Variants in TRDMT1 observed in about 807,000 individuals in gnomAD.
TRDMT1 encodes tRNA aspartic acid methyltransferase 1.
A neutral mutation model predicts 51.2 loss-of-function variants in TRDMT1; 49 were observed. The ratio of observed to expected loss-of-function variants is 0.96; its 90% confidence interval spans 0.76 to 1.21. The LOEUF (loss-of-function observed/expected upper bound fraction) is 1.21, where lower values mean the gene tolerates loss of function less well. Ranked by LOEUF, TRDMT1 falls within the 50% of genes most tolerant of loss-of-function variation. The pLI is 0.00. For missense variants in TRDMT1, 534 were observed against 462.3 expected (o/e 1.16, Z -1.42); for synonymous variants, 187 against 164.6 (o/e 1.14, Z -1.04).
In TRDMT1 at chr10:17,145,358, G is replaced by T; in HGVS notation, c.*3682C>A. 1 of 985,448 alleles carries T rather than the reference G, an allele frequency of 1.0e-6. No homozygotes were observed. Among genetic ancestry groups the T allele is most frequent in the Non-Finnish European group, 1.2e-6 (1 of 829,946 alleles). The allele number at this position is 985,448 out of a possible 1,614,324, so 61.0% of individuals were successfully genotyped here. Reference sequence around the variant, plus strand: ...GGGTGTGACAGAGGTCCAGAAAAGTGCTTGCTAAGAAGCTGATATGATAGT... The same window carrying T: ...GGGTGTGACAGAGGTCCAGAAAAGTTCTTGCTAAGAAGCTGATATGATAGT... On this transcript the variant is annotated 3_prime_UTR_variant, in exon 11 of 11. Transcript: ENST00000377799.
chr10:17,195,750 G>T (rs932093081), intron 1 of TRDMT1, among the ~76,000 whole-genome samples: 2 of 152,074 alleles, frequency 1.3e-5, no homozygotes, highest in Non-Finnish European at 2.9e-5. Context: ...TTCATCTTAC[G>T]TATTTCTTTT....
Position 17,174,588 on chromosome 10 carries a change from TTATACTTG to T in TRDMT1, c.129_136del (p.Tyr43Ter). The T allele has an allele frequency of 6.2e-7, 1 of 1,613,930 alleles. No individual in the cohort carries two copies. Among genetic ancestry groups the T allele is most frequent in the Non-Finnish European group, 8.5e-7 (1 of 1,179,896 alleles). ...GGCAAGTAACTGTGTGTGAGGAAAA[TTATACTTG>T]TATACTTCATTAGCGACAGTGTTGA... On this transcript the variant is annotated stop_gained and frameshift_variant, in exon 2 of 11. Coordinates refer to ENST00000377799, the MANE Select transcript of TRDMT1 (RefSeq NM_004412.7). LOFTEE classifies it high-confidence loss of function.
chr10:17,147,440 T>C lies in TRDMT1; in HGVS notation c.*1600A>G, dbSNP rs1182449319. On this transcript the variant is annotated 3_prime_UTR_variant, in exon 11 of 11. Coordinates refer to ENST00000377799, the MANE Select transcript of TRDMT1 (RefSeq NM_004412.7). ...TTATCATTTTAACTATTTTTAAATA[T>C]ACAGTTGCAGTGGCATTAAGTACAC... is the stretch of plus-strand genomic sequence containing the variant. 6 of 793,644 alleles carry C rather than the reference T, an allele frequency of 7.6e-6. No homozygotes were observed. The highest frequency in any genetic ancestry group is 7.6e-6 in the Non-Finnish European group (5 of 655,250). The allele number at this position is 793,644 out of a possible 1,614,324, so 49.2% of individuals were successfully genotyped here. A position where few individuals can be genotyped will look rare whatever the true frequency, so the allele number is the denominator to read the frequency against.
chr10:17,160,411 G>A (rs1413822707), intron 5 of TRDMT1, 37 bp from the exon 6 acceptor site: 35 of 1,327,080 alleles, frequency 2.6e-5, no homozygotes, highest in Non-Finnish European at 3.4e-5. Flanking sequence ...TTCTTACTTG[G>A]AAAGGCAGTT....
At chr10:17,169,423 C>G (rs1273918926) in intron 2 of TRDMT1, 15 of 1,287,604 alleles carry the variant, frequency 1.2e-5, no homozygotes, top group Non-Finnish European at 1.4e-5. Context: ...CTCAGATATC[C>G]ACAATTATTT....
chr10:17,152,428 C>A (rs1034409860), intron 10 of TRDMT1, among the ~76,000 whole-genome samples: 2 of 152,122 alleles, frequency 1.3e-5, no homozygotes, highest in African/African-American at 4.8e-5. Context: ...CAGCTTAAAT[C>A]CATTATTTAG....
chr10:17,200,929 A>G (rs1025165967), intron 1 of TRDMT1, among the ~76,000 whole-genome samples: 2 of 152,192 alleles, frequency 1.3e-5, no homozygotes, highest in Admixed American at 1.3e-4. Context: ...AAACCAGGAA[A>G]CAGGTTCATC....
rs7070931 is a variant in TRDMT1, at chr10:17,145,954, C to G, written c.*3086G>C. On this transcript the variant is annotated 3_prime_UTR_variant, in exon 11 of 11. Transcript: ENST00000377799. Reference sequence around the variant, plus strand: ...TCTCCAGCTTAATCACTCTAGACCTCAACTAGGTTGAGATGGGAGCAAAAA... The same window carrying G: ...TCTCCAGCTTAATCACTCTAGACCTGAACTAGGTTGAGATGGGAGCAAAAA... 0.15 allele frequency: 146,642 copies of G among 985,250 alleles called. 11,077 individuals carry two copies. Among genetic ancestry groups the G allele is most frequent in the Admixed American group, 0.17 (2,799 of 16,288 alleles). The allele number at this position is 985,250 out of a possible 1,614,324, so 61.0% of individuals were successfully genotyped here. A position where few individuals can be genotyped will look rare whatever the true frequency, so the allele number is the denominator to read the frequency against.
chr10:17,160,428 T>A, intron 5 of TRDMT1, 54 bp from the exon 6 acceptor site: 1 of 1,221,820 alleles, frequency 8.2e-7, no homozygotes, highest in Non-Finnish European at 1.1e-6. Flanking sequence ...AGTTCTTATT[T>A]AAATAATGTA....
At chr10:17,191,833 C>T (rs911065387) in intron 1 of TRDMT1, among the ~76,000 whole-genome samples, 4 of 152,142 alleles carry the variant, frequency 2.6e-5, no homozygotes, top group South Asian at 2.1e-4. Context: ...CTGCTACCTA[C>T]ACACACAAGT....
intron 1 of TRDMT1, among the ~76,000 whole-genome samples, chr10:17,195,075 TAAAAC>T (rs1270029168): frequency 6.6e-6 from 1 of 151,860 alleles, no homozygotes; most frequent in African/African-American, 2.4e-5. Flanking sequence ...TCAAAGAACT[TAAAAC>T]AAAACTACCA....
intron 8 of TRDMT1, among the ~76,000 whole-genome samples, chr10:17,156,794 G>C (rs1049335837): frequency 6.6e-6 from 1 of 152,114 alleles, no homozygotes; most frequent in African/African-American, 2.4e-5. Flanking sequence ...TACTTATAAA[G>C]GGGGATAAAA....
Position 17,145,824 on chromosome 10 carries a change from G to A in TRDMT1, c.*3216C>T. 2 of 985,418 alleles carry A rather than the reference G, an allele frequency of 2.0e-6. No homozygotes were observed. The highest frequency in any genetic ancestry group is 2.4e-6 in the Non-Finnish European group (2 of 829,930). 61.0% of individuals were successfully genotyped at this position (985,418 alleles called of 1,614,324 possible). A position where few individuals can be genotyped will look rare whatever the true frequency, so the allele number is the denominator to read the frequency against. On this transcript the variant is annotated 3_prime_UTR_variant, in exon 11 of 11. Transcript: ENST00000377799. Reference sequence around the variant, plus strand: ...GCCTGCAGAATGCATCCTTTAGTAGGTGCTTGATATTAGATGAAATGTGGT... The same window carrying A: ...GCCTGCAGAATGCATCCTTTAGTAGATGCTTGATATTAGATGAAATGTGGT...
rs1837553929 is a variant in TRDMT1, at chr10:17,140,060, T to TTTTA, written c.*8979_*8980insTAAA. On this transcript the variant is annotated 3_prime_UTR_variant, in exon 11 of 11. Coordinates refer to ENST00000377799, the MANE Select transcript of TRDMT1 (RefSeq NM_004412.7). The stretch of plus-strand genomic sequence containing the variant: ...TGCTTTTTTTTTTTTTTTTTTTTTT[T>TTTTA]TTTGAGACAGAGTCTTGCCCTGTCA... Among the ~76,000 whole-genome samples, 2 of 133,798 alleles carry TTTTA rather than the reference T, an allele frequency of 1.5e-5. 1 individual carries two copies. Among genetic ancestry groups the TTTTA allele is most frequent in the Non-Finnish European group, 3.2e-5 (2 of 63,262 alleles). The allele number at this position is 133,798 out of a possible 152,430, so 87.8% of individuals were successfully genotyped here.
At chr10:17,194,756 A>T (rs1845151524) in intron 1 of TRDMT1, among the ~76,000 whole-genome samples, 2 of 152,022 alleles carry the variant, frequency 1.3e-5, no homozygotes, top group East Asian at 3.9e-4. Flanking sequence ...AACATGGTGA[A>T]ACCCTGTCTC....
intron 3 of TRDMT1, among the ~76,000 whole-genome samples, chr10:17,166,985 T>C (rs139808977): frequency 6.6e-6 from 1 of 152,346 alleles, no homozygotes; most frequent in Non-Finnish European, 1.5e-5. Flanking sequence ...ACATCACCTC[T>C]GAAAGAATTC....
chr10:17,147,055 T>A lies in TRDMT1; in HGVS notation c.*1985A>T. 5 of 985,746 alleles carry A rather than the reference T, an allele frequency of 5.1e-6. No individual in the cohort carries two copies. Among genetic ancestry groups the A allele is most frequent in the Non-Finnish European group, 6.0e-6 (5 of 829,934 alleles). The allele number at this position is 985,746 out of a possible 1,614,324, so 61.1% of individuals were successfully genotyped here. ...CTACAGACCTTTCAAGTATTTATAG[T>A]TGGTGCACAGTAACTCGACACTTAT... On this transcript the variant is annotated 3_prime_UTR_variant, in exon 11 of 11. Transcript: ENST00000377799.
At chr10:17,191,655 C>G (rs1346520635) in intron 1 of TRDMT1, among the ~76,000 whole-genome samples, 2 of 152,076 alleles carry the variant, frequency 1.3e-5, no homozygotes, top group Non-Finnish European at 2.9e-5. Context: ...GATGAGATGC[C>G]CTGCAGTAGA....
chr10:17,182,524 G>A (rs1177173439), intron 1 of TRDMT1, among the ~76,000 whole-genome samples: 1 of 152,134 alleles, frequency 6.6e-6, no homozygotes, highest in Non-Finnish European at 1.5e-5. Context: ...CAAAAGTCCT[G>A]TAAATAAGTA....
Sources: gnomAD v4.1 joint callset for allele counts (sites outside exome capture counted in the v4.1 genomes callset) on GRCh38, gnomAD v4.1.1 for gene constraint, MANE v1.5 for transcripts, NCBI Gene and HGNC (gene_info 2026-07-23, HGNC 2026-07-21) for gene names.